Variants in PIP5K1B observed in about 807,000 individuals in gnomAD.
The protein encoded by PIP5K1B is phosphatidylinositol-4-phosphate 5-kinase type 1 beta.
Under a neutral mutation model 67.0 loss-of-function variants are expected in PIP5K1B, and 42 were observed. The ratio of observed to expected loss-of-function variants is 0.63; its 90% confidence interval spans 0.49 to 0.81. PIP5K1B has a LOEUF of 0.81. Among genes scored for constraint, PIP5K1B ranks in the 30% least tolerant of loss-of-function variants. The pLI is 0.00. For missense variants in PIP5K1B, 459 were observed against 646.3 expected (o/e 0.71, Z 3.14); for synonymous variants, 214 against 231.4 (o/e 0.92, Z 0.68).
At chr9:68,720,197 C>T (rs1267892594) in intron 1 of PIP5K1B, among the ~76,000 whole-genome samples, 2 of 152,142 alleles carry the variant, frequency 1.3e-5, no homozygotes, top group Admixed American at 6.5e-5. Context: ...CTTCTGAGCT[C>T]CCCCTTCCTT....
At chr9:68,809,989 GA>G (rs1318505699) in intron 2 of PIP5K1B, among the ~76,000 whole-genome samples, 1 of 152,192 alleles carries the variant, frequency 6.6e-6, no homozygotes, top group Non-Finnish European at 1.5e-5. Context: ...TTGAATGAAT[GA>G]AAGAGTGAAT....
intron 2 of PIP5K1B, among the ~76,000 whole-genome samples, chr9:68,811,958 G>T (rs1420734578): frequency 6.6e-6 from 1 of 152,162 alleles, no homozygotes; most frequent in Non-Finnish European, 1.5e-5. Flanking sequence ...TTCAGTGTGT[G>T]GCCCCAGAAG....
chr9:68,842,510 G>A (rs938934962), intron 4 of PIP5K1B, among the ~76,000 whole-genome samples: 7 of 152,214 alleles, frequency 4.6e-5, no homozygotes, highest in African/African-American at 1.7e-4. Context: ...GATGTGGATA[G>A]CATATATGCA....
chr9:68,907,961 T>G (rs1265841693), intron 8 of PIP5K1B, among the ~76,000 whole-genome samples: 1 of 152,202 alleles, frequency 6.6e-6, no homozygotes, highest in African/African-American at 2.4e-5. Context: ...GGTAAGTACT[T>G]TTTTCTTTTT....
At chr9:68,717,418 T>G (rs1827685160) in intron 1 of PIP5K1B, among the ~76,000 whole-genome samples, 2 of 152,180 alleles carry the variant, frequency 1.3e-5, no homozygotes, top group South Asian at 4.1e-4. Context: ...AATACCAACT[T>G]GTCTTAGGTG....
rs531121734 is a variant in PIP5K1B, at chr9:68,968,239, G to A, written c.1503-22901G>A. On this transcript the variant is annotated intron_variant, in intron 14 of 15. Transcript: ENST00000265382. The stretch of plus-strand genomic sequence containing the variant: ...TAGCTATTTAAGGACCTGTTCTGGG[G>A]CCAGGCATGGTGGCTCACACCTGTA... Among the ~76,000 whole-genome samples the A allele has an allele frequency of 2.6e-5, 4 of 152,290 alleles. No homozygotes were observed. In the East Asian group the frequency reaches 7.7e-4, roughly 29 times the overall value.
chr9:68,894,559 T>G lies in PIP5K1B; in HGVS notation c.692T>G (p.Leu231Arg). The change falls in exon 8 of 16, where the codon CTG (leucine) becomes CGG (arginine). Residue 231 changes from leucine to arginine, a missense_variant. Around this residue, in one of 2 missense-constraint regions of PIP5K1B, gnomAD observed 290 missense variants for 474.4 expected, o/e 0.61. Transcript: ENST00000265382. ...SNPTFKDLDF[L>R]QDMHEGLYFD... The stretch of plus-strand genomic sequence containing the variant: ...CCCACATTTAAGGACTTAGATTTCC[T>G]GCAAGACATGCACGAAGGGTTGTAT... 6.2e-7 allele frequency: 1 copy of G among 1,614,192 alleles called. No homozygotes were observed. Among genetic ancestry groups the G allele is most frequent in the Non-Finnish European group, 8.5e-7 (1 of 1,179,992 alleles).
At chr9:68,882,198 A>T (rs1161893461) in intron 6 of PIP5K1B, among the ~76,000 whole-genome samples, 2 of 152,228 alleles carry the variant, frequency 1.3e-5, no homozygotes. Context: ...ATCATGACTA[A>T]TTAAAATGTT....
At chr9:68,897,698 A>T (rs1415819259) in intron 8 of PIP5K1B, among the ~76,000 whole-genome samples, 1 of 152,174 alleles carries the variant, frequency 6.6e-6, no homozygotes, top group African/African-American at 2.4e-5. Flanking sequence ...ACTTAGCAGT[A>T]GCAAATCCAA....
At chr9:68,715,742 A>G (rs1413846018) in intron 1 of PIP5K1B, among the ~76,000 whole-genome samples, 1 of 152,198 alleles carries the variant, frequency 6.6e-6, no homozygotes, top group Non-Finnish European at 1.5e-5. Context: ...TCCTTTTCGT[A>G]AATTCCCACT....
chr9:68,908,728 C>T (rs1461000861), intron 8 of PIP5K1B, among the ~76,000 whole-genome samples: 5 of 152,190 alleles, frequency 3.3e-5, no homozygotes, highest in Non-Finnish European at 7.3e-5. Context: ...GAGGGGTCTA[C>T]TTTGTGAGGA....
intron 2 of PIP5K1B, among the ~76,000 whole-genome samples, chr9:68,807,634 G>A (rs1832942420): frequency 6.6e-6 from 1 of 152,148 alleles, no homozygotes; most frequent in African/African-American, 2.4e-5. Flanking sequence ...GGCTGCTACA[G>A]GAACAAAGGC....
At chr9:68,712,414 A>G (rs1237474868) in intron 1 of PIP5K1B, among the ~76,000 whole-genome samples, 1 of 152,182 alleles carries the variant, frequency 6.6e-6, no homozygotes, top group African/African-American at 2.4e-5. Flanking sequence ...ACAGATTAAC[A>G]CGGATACTTA....
At chr9:68,718,864 T>C (rs1011726449) in intron 1 of PIP5K1B, among the ~76,000 whole-genome samples, 1 of 152,208 alleles carries the variant, frequency 6.6e-6, no homozygotes, top group Non-Finnish European at 1.5e-5. Flanking sequence ...CTTCTGTGGC[T>C]CTCAGCAGTG....
At chr9:68,839,965 G>A (rs1821833234) in intron 4 of PIP5K1B, among the ~76,000 whole-genome samples, 2 of 152,232 alleles carry the variant, frequency 1.3e-5, no homozygotes, top group South Asian at 4.1e-4. Context: ...GGACCACACA[G>A]ATGCAAGCCA....
intron 14 of PIP5K1B, among the ~76,000 whole-genome samples, chr9:68,980,406 A>G (rs1038014462): frequency 1.3e-5 from 2 of 152,200 alleles, no homozygotes; most frequent in African/African-American, 2.4e-5. Flanking sequence ...TACATTTGTT[A>G]TCAGTTAATG....
intron 8 of PIP5K1B, among the ~76,000 whole-genome samples, chr9:68,909,453 A>G (rs967710571): frequency 2.0e-5 from 3 of 152,134 alleles, no homozygotes; most frequent in African/African-American, 7.2e-5. Flanking sequence ...TAAAAATATT[A>G]ATAATTCTTA....
intron 5 of PIP5K1B, among the ~76,000 whole-genome samples, chr9:68,866,181 A>G (rs2132273051): frequency 6.6e-6 from 1 of 152,086 alleles, no homozygotes; most frequent in East Asian, 1.9e-4. Flanking sequence ...TAATCCCAGC[A>G]ACTCAGGAGG....
chr9:68,829,737 T>C (rs1834180327), intron 4 of PIP5K1B, among the ~76,000 whole-genome samples: 1 of 152,204 alleles, frequency 6.6e-6, no homozygotes, highest in Admixed American at 6.5e-5. Context: ...TTTTTCTCAT[T>C]GATAAAATGT....
Sources: allele counts gnomAD v4.1 joint callset (sites outside exome capture counted in the v4.1 genomes callset), GRCh38; gene constraint gnomAD v4.1.1; regional missense constraint gnomAD v4.1.1; transcripts MANE v1.5; gene names NCBI Gene and HGNC (gene_info 2026-07-23, HGNC 2026-07-21).